Variants in CPSF3 observed in about 807,000 individuals in gnomAD.
CPSF3 encodes cleavage and polyadenylation specific factor 3.
A neutral mutation model predicts 84.1 loss-of-function variants in CPSF3; 57 were observed. The observed-to-expected ratio is 0.68, with a 90% CI of 0.55 to 0.85. CPSF3 has a LOEUF of 0.85. CPSF3 is among the 40% of genes least tolerant of loss of function. The pLI is 0.00. For synonymous variants in CPSF3, 275 were observed against 278.1 expected, an observed-to-expected ratio of 0.99 and a Z score of 0.11; for missense variants, 522 against 838.8, an observed-to-expected ratio of 0.62 and a Z score of 4.66.
chr2:9,444,158 A>ATATATT lies in CPSF3; in HGVS notation c.1242+498_1242+499insATATTT, dbSNP rs1216393477. On this transcript the variant is annotated intron_variant, in intron 10 of 17. Transcript: ENST00000238112. The stretch of plus-strand genomic sequence containing the variant: ...ATATATATTATATATATATATATAT[A>ATATATT]TTTTTTTTTTTTTTGAGGCGGAGTC... Among the ~76,000 whole-genome samples, 579 of 123,148 alleles carry ATATATT rather than the reference A, an allele frequency of 4.7e-3. 2 individuals carry two copies. Among genetic ancestry groups the ATATATT allele is most frequent in the Middle Eastern group, 8.6e-3 (2 of 232 alleles). The allele number at this position is 123,148 out of a possible 152,430, so 80.8% of individuals were successfully genotyped here.
intron 6 of CPSF3, among the ~76,000 whole-genome samples, chr2:9,434,168 G>T (rs886566082): frequency 6.6e-6 from 1 of 152,056 alleles, no homozygotes; most frequent in Admixed American, 6.5e-5. Context: ...ATCACTTAAG[G>T]CCAGGAGTTA....
intron 4 of CPSF3, among the ~76,000 whole-genome samples, chr2:9,432,086 G>A (rs1373585563): frequency 1.3e-5 from 2 of 152,152 alleles, no homozygotes; most frequent in Admixed American, 6.5e-5. Context: ...TCAGGAGAAA[G>A]GTTGTGCTAG....
At chr2:9,433,551 A>C (rs374309916) in intron 5 of CPSF3, among the ~76,000 whole-genome samples, 2 of 152,052 alleles carry the variant, frequency 1.3e-5, no homozygotes, top group East Asian at 3.9e-4. Flanking sequence ...ACCTCAGTGC[A>C]CTCCTTTCCT....
Position 9,448,271 on chromosome 2 carries a change from A to G in CPSF3, c.1316A>G (p.Asp439Gly). Reference protein sequence around the residue: ...AALIREYEDNDEVHIEVHNPR... With the variant: ...AALIREYEDNGEVHIEVHNPR... ...CTGATTCGAGAATATGAAGATAACG[A>G]TGAAGTTCACATAGAGGTTCATAAT... The change falls in exon 11 of 18, where the codon GAT becomes GGT. Residue 439 changes from aspartate (D) to glycine (G), a missense_variant. Asp to Gly is a moderately conservative substitution (Grantham distance 94, BLOSUM62 -1). This residue lies in a region of CPSF3 where 329 missense variants were observed against 607.2 expected (regional missense o/e 0.54). Transcript: ENST00000238112. 3 of 1,613,236 alleles carry G rather than the reference A, an allele frequency of 1.9e-6. No homozygotes were observed. Among genetic ancestry groups the G allele is most frequent in the Non-Finnish European group, 2.5e-6 (3 of 1,179,256 alleles).
In CPSF3 at chr2:9,443,590, A is replaced by G. The variant is rs1207035537; in HGVS notation, c.1171A>G (p.Ile391Val). 1 of 1,613,982 alleles carries G rather than the reference A, an allele frequency of 6.2e-7. No individual in the cohort carries two copies. Among genetic ancestry groups the G allele is most frequent in the African/African-American group, 1.3e-5 (1 of 74,894 alleles). Residue 391 changes from isoleucine to valine, a missense_variant, in exon 10 of 18, where the codon ATT becomes GTT. Around this residue, in one of 2 missense-constraint regions of CPSF3, gnomAD observed 329 missense variants for 607.2 expected, o/e 0.54. Coordinates refer to ENST00000238112, the MANE Select transcript of CPSF3 (RefSeq NM_016207.4). ...ACCACTGAAAATGTCTGTTGATTAC[A>G]TTTCTTTCTCAGCTCACACGGATTA... ...KLPLKMSVDYISFSAHTDYQQ... is the reference protein window; with the variant it reads ...KLPLKMSVDYVSFSAHTDYQQ...
chr2:9,428,560 C>T (rs1322201869), intron 1 of CPSF3, among the ~76,000 whole-genome samples: 1 of 152,132 alleles, frequency 6.6e-6, no homozygotes, highest in Non-Finnish European at 1.5e-5. Flanking sequence ...CCCTGGACTC[C>T]CAAGGATCAG....
Position 9,423,838 on chromosome 2 carries a change from A to G in CPSF3, c.50+15A>G. On this transcript the variant is annotated intron_variant, in intron 1 of 17. Transcript: ENST00000238112. ...ATCCGACCCCTGTAAGGGACCAGCG[A>G]GAGAGGGAATGAAGCCACGGGCTGT... 6.2e-7 allele frequency: 1 copy of G among 1,611,530 alleles called. No homozygotes were observed. The highest frequency in any genetic ancestry group is 8.5e-7 in the Non-Finnish European group (1 of 1,178,938).
chr2:9,466,354 A>G (rs59958588), intron 15 of CPSF3, among the ~76,000 whole-genome samples: 9,708 of 139,606 alleles, frequency 0.07, 988 homozygotes, highest in African/African-American at 0.24. Context: ...GCGCGCGCGC[A>G]CACACACACG....
chr2:9,471,648 G>T (rs1159129745), intron 17 of CPSF3, among the ~76,000 whole-genome samples: 2 of 151,768 alleles, frequency 1.3e-5, no homozygotes, highest in African/African-American at 4.8e-5. Flanking sequence ...CAAGGTTCGC[G>T]TGTATGCCAC....
chr2:9,451,780 G>C (rs541545326), intron 11 of CPSF3, among the ~76,000 whole-genome samples: 1 of 149,344 alleles, frequency 6.7e-6, no homozygotes, highest in Admixed American at 6.7e-5. Flanking sequence ...GCAGTGGCGC[G>C]ATCTCAGCTC....
At position 9,457,041 on chromosome 2, in the gene CPSF3, A is replaced by G; in HGVS notation, c.1698+14A>G. On this transcript the variant is annotated intron_variant, in intron 14 of 17. Coordinates refer to ENST00000238112, the MANE Select transcript of CPSF3 (RefSeq NM_016207.4). ...GTGGTATTAGAAGTAAGAAAAGATC[A>G]TTTACCTAAACAATGAGGGGAAAAA... The G allele has an allele frequency of 6.8e-7, 1 of 1,463,236 alleles. No individual in the cohort carries two copies. Among genetic ancestry groups the G allele is most frequent in the Non-Finnish European group, 9.4e-7 (1 of 1,061,278 alleles). 90.6% of individuals were successfully genotyped at this position (1,463,236 alleles called of 1,614,324 possible).
intron 5 of CPSF3, 60 bp downstream of exon 5, chr2:9,432,748 C>G: frequency 5.3e-6 from 7 of 1,320,438 alleles, no homozygotes; most frequent in Non-Finnish European, 5.9e-6. Context: ...TTTGTGCCAC[C>G]AAGTACTATT....
rs10165138 is a variant in CPSF3, at chr2:9,464,069, A to G, written c.1787-3638A>G. ...CAACTTGTATTTGTATCTGTGGTGT[A>G]TGTGTGTGTGTGTGTGTGTGTGTCT... On this transcript the variant is annotated intron_variant, in intron 15 of 17. Coordinates refer to ENST00000238112, the MANE Select transcript of CPSF3 (RefSeq NM_016207.4). 3.6e-3 allele frequency among the ~76,000 whole-genome samples: 533 copies of G among 149,212 alleles called. 7 individuals are homozygous for G. Among genetic ancestry groups the G allele is most frequent in the African/African-American group, 0.012 (503 of 40,574 alleles).
intron 11 of CPSF3, among the ~76,000 whole-genome samples, chr2:9,451,420 T>C (rs1208060955): frequency 6.6e-6 from 1 of 152,164 alleles, no homozygotes; most frequent in Non-Finnish European, 1.5e-5. Flanking sequence ...CACACTACCT[T>C]TATTCCTTTG....
intron 14 of CPSF3, among the ~76,000 whole-genome samples, chr2:9,457,660 C>T (rs1340026768): frequency 1.3e-5 from 2 of 152,012 alleles, no homozygotes; most frequent in Non-Finnish European, 2.9e-5. Flanking sequence ...TTGAATAGTC[C>T]AGGGAGGTAC....
At position 9,433,967 on chromosome 2, in the gene CPSF3, A is replaced by G. The variant is rs766336555; in HGVS notation, c.609+7A>G. 6.9e-7 allele frequency: 1 copy of G among 1,450,346 alleles called. No individual in the cohort carries two copies. The highest frequency in any genetic ancestry group is 1.2e-5 in the South Asian group (1 of 85,982). The allele number at this position is 1,450,346 out of a possible 1,614,324, so 89.8% of individuals were successfully genotyped here. ...GCCTGATATTCTTATCATTGTAAGT[A>G]TTAATATACTATATTGTAATCAATG... is the stretch of plus-strand genomic sequence containing the variant. On this transcript the variant is annotated splice_region_variant and intron_variant, in intron 6 of 17. Coordinates refer to ENST00000238112, the MANE Select transcript of CPSF3 (RefSeq NM_016207.4).
In CPSF3 at chr2:9,459,555, A is replaced by G; in HGVS notation, c.1723A>G (p.Met575Val). ...GTGGCTGGCAAACCCTTCTAATGATATGTATGCAGATACAGTAACAACTGT... is the reference window on the plus strand; with the variant it reads ...GTGGCTGGCAAACCCTTCTAATGATGTGTATGCAGATACAGTAACAACTGT... ...LEWLANPSNDMYADTVTTVIL... is the reference protein window; with the variant it reads ...LEWLANPSNDVYADTVTTVIL... Residue 575 changes from methionine (M) to valine (V), a missense_variant, in exon 15 of 18, where the codon ATG becomes GTG. Transcript: ENST00000238112. 1 of 1,590,494 alleles carries G rather than the reference A, an allele frequency of 6.3e-7. No individual in the cohort carries two copies. Among genetic ancestry groups the G allele is most frequent in the South Asian group, 1.1e-5 (1 of 90,736 alleles).
Position 9,450,199 on chromosome 2 carries a change from T to C in CPSF3, c.1395+1849T>C, listed in dbSNP as rs181763451. Among the ~76,000 whole-genome samples, 3 of 150,656 alleles carry C rather than the reference T, an allele frequency of 2.0e-5. No individual in the cohort carries two copies. The South Asian group carries it at 6.4e-4, about 32-fold the overall frequency. Reference sequence around the variant, plus strand: ...AGGAGTCTTGCTCTGTCGCCCAGGCTGGAGTGCAATGGTGCCATCTCGGCT... The same window carrying C: ...AGGAGTCTTGCTCTGTCGCCCAGGCCGGAGTGCAATGGTGCCATCTCGGCT... On this transcript the variant is annotated intron_variant, in intron 11 of 17. Transcript: ENST00000238112.
chr2:9,448,758 C>T (rs745482032), intron 11 of CPSF3, among the ~76,000 whole-genome samples: 2 of 152,064 alleles, frequency 1.3e-5, no homozygotes, highest in Non-Finnish European at 2.9e-5. Context: ...GGTTTCACCA[C>T]GTTGGCCAGG....
Sources: allele counts gnomAD v4.1 joint callset (sites outside exome capture counted in the v4.1 genomes callset), GRCh38; gene constraint gnomAD v4.1.1; regional missense constraint gnomAD v4.1.1; transcripts MANE v1.5; gene names NCBI Gene and HGNC (gene_info 2026-07-23, HGNC 2026-07-21).